The following NBEAL1 variants were observed in gnomAD, a reference collection of about 807,000 sequenced individuals.
The protein encoded by NBEAL1 is neurobeachin-like protein 1.
A neutral mutation model predicts 351.3 loss-of-function variants in NBEAL1; 273 were observed. That is an observed-to-expected ratio of 0.78 (90% CI 0.70 to 0.86). The LOEUF is 0.86. NBEAL1 is among the 40% of genes least tolerant of loss of function. NBEAL1 has a pLI of 0.00. For synonymous variants in NBEAL1, 1,050 were observed against 1,086.4 expected (o/e 0.97, Z 0.66); for missense variants, 2,961 against 3,201.3 (o/e 0.92, Z 1.81).
intron 16 of NBEAL1, 58 bp from the exon 17 acceptor site, chr2:203,112,957 T>C: frequency 1.5e-6 from 2 of 1,319,946 alleles, no homozygotes; most frequent in African/African-American, 3.0e-5. Flanking sequence ...TGTAATTTTA[T>C]GTTAAATATG....
chr2:203,161,998 G>A (rs1369606685), intron 36 of NBEAL1, among the ~76,000 whole-genome samples: 2 of 136,034 alleles, frequency 1.5e-5, no homozygotes, highest in Non-Finnish European at 3.2e-5. Context: ...TGGGGGTTTT[G>A]TTTTGTTTTG....
At chr2:203,105,188 C>A (rs183725502) in intron 12 of NBEAL1, among the ~76,000 whole-genome samples, 1 of 151,518 alleles carries the variant, frequency 6.6e-6, no homozygotes, top group East Asian at 2.0e-4. Flanking sequence ...TATGGATGGG[C>A]GCAGTCGCTC....
chr2:203,150,674 T>C (rs2063628190), intron 34 of NBEAL1, among the ~76,000 whole-genome samples: 1 of 152,174 alleles, frequency 6.6e-6, no homozygotes, highest in African/African-American at 2.4e-5. Flanking sequence ...ATCCTTATCT[T>C]TTCTCCTAAG....
intron 23 of NBEAL1, among the ~76,000 whole-genome samples, chr2:203,127,157 C>T (rs922974751): frequency 6.6e-6 from 1 of 152,156 alleles, no homozygotes; most frequent in Non-Finnish European, 1.5e-5. Flanking sequence ...CTTCTCTGTG[C>T]TTGGGTTTCT....
intron 46 of NBEAL1, chr2:203,191,438 C>T (rs2065085587): frequency 2.2e-6 from 1 of 459,126 alleles, no homozygotes; most frequent in South Asian, 3.4e-5. Flanking sequence ...CATTATCTTC[C>T]TGATGACACA....
At chr2:203,121,808 CAG>C (rs1035613281) in intron 18 of NBEAL1, among the ~76,000 whole-genome samples, 2 of 151,884 alleles carry the variant, frequency 1.3e-5, no homozygotes, top group Non-Finnish European at 2.9e-5. Flanking sequence ...TTTTTTGAGA[CAG>C]AGTCTCACTC....
chr2:203,144,210 CAAAAAAA>C (rs1203059538), intron 31 of NBEAL1, among the ~76,000 whole-genome samples: 2 of 52,970 alleles, frequency 3.8e-5, no homozygotes, highest in Non-Finnish European at 8.0e-5. Context: ...GACTCCATCT[CAAAAAAA>C]AAAAAAAAAA....
chr2:203,222,864 A>G lies in NBEAL1; in HGVS notation c.*5510A>G, dbSNP rs2065966374. 6.6e-6 allele frequency among the ~76,000 whole-genome samples: 1 copy of G among 152,202 alleles called. No individual in the cohort carries two copies. The highest frequency in any genetic ancestry group is 1.5e-5 in the Non-Finnish European group (1 of 68,024). ...TGACTTTTGCAGGTACAGCCTCTGTATGGAAATAATCTTTAATTTTTTATA... is the reference window on the plus strand; with the variant it reads ...TGACTTTTGCAGGTACAGCCTCTGTGTGGAAATAATCTTTAATTTTTTATA... On this transcript the variant is annotated 3_prime_UTR_variant, in exon 56 of 56. Transcript: ENST00000683969.
chr2:203,121,523 A>T (rs1377195408), intron 18 of NBEAL1, among the ~76,000 whole-genome samples: 1 of 151,524 alleles, frequency 6.6e-6, no homozygotes, highest in Non-Finnish European at 1.5e-5. Flanking sequence ...GTGGTGGCGC[A>T]CCACTGTAAT....
At chr2:203,162,175 C>T (rs992741975) in intron 36 of NBEAL1, among the ~76,000 whole-genome samples, 5 of 151,660 alleles carry the variant, frequency 3.3e-5, no homozygotes, top group African/African-American at 1.2e-4. Flanking sequence ...AGGTGTGTGC[C>T]ACTACGCCCA....
chr2:203,211,673 G>GA (rs963530530), intron 54 of NBEAL1, among the ~76,000 whole-genome samples: 1 of 151,998 alleles, frequency 6.6e-6, no homozygotes, highest in African/African-American at 2.4e-5. Context: ...TGTAGAGCTA[G>GA]AAAAAAATGT....
rs903910412 is a variant in NBEAL1 at position 203,223,705 on chromosome 2, A to C, written c.*6351A>C. 3.9e-5 allele frequency among the ~76,000 whole-genome samples: 6 copies of C among 152,050 alleles called. No homozygotes were observed. Among genetic ancestry groups the C allele is most frequent in the African/African-American group, 1.4e-4 (6 of 41,442 alleles). ...TATTAAAACTAGCAATTCTGTGGTA[A>C]TCAGTGTACTAGTCAACATTAAAAT... is the stretch of plus-strand genomic sequence containing the variant. On this transcript the variant is annotated 3_prime_UTR_variant, in exon 56 of 56. Transcript: ENST00000683969.
At chr2:203,206,633 C>G (rs1269823007) in intron 51 of NBEAL1, among the ~76,000 whole-genome samples, 1 of 151,854 alleles carries the variant, frequency 6.6e-6, no homozygotes, top group Non-Finnish European at 1.5e-5. Context: ...GTTGGCCGGG[C>G]TGGTCTCCAG....
At chr2:203,120,845 G>A (rs1195217303) in intron 18 of NBEAL1, among the ~76,000 whole-genome samples, 1 of 152,152 alleles carries the variant, frequency 6.6e-6, no homozygotes, top group Non-Finnish European at 1.5e-5. Context: ...GACTAAAGTA[G>A]TAACTAGAGA....
At chr2:203,167,809 G>T (rs1480520106) in intron 38 of NBEAL1, among the ~76,000 whole-genome samples, 1 of 152,174 alleles carries the variant, frequency 6.6e-6, no homozygotes, top group African/African-American at 2.4e-5. Flanking sequence ...GTAAGCTTGG[G>T]CTCATTACTG....
intron 4 of NBEAL1, among the ~76,000 whole-genome samples, chr2:203,053,375 G>A (rs539180141): frequency 3.7e-4 from 57 of 152,114 alleles, no homozygotes; most frequent in African/African-American, 1.3e-3. Context: ...ATCTTCTTTG[G>A]TGAAGTGTCT....
intron 44 of NBEAL1, among the ~76,000 whole-genome samples, chr2:203,184,799 T>C (rs542490838): frequency 7.9e-5 from 12 of 151,822 alleles, no homozygotes; most frequent in South Asian, 2.1e-4. Flanking sequence ...GGGTGGTGTG[T>C]ACCGGTAGTC....
Position 203,175,403 on chromosome 2 carries a change from A to G in NBEAL1, c.6464+116A>G, listed in dbSNP as rs1054860992. 13 of 1,049,966 alleles carry G rather than the reference A, an allele frequency of 1.2e-5. No individual in the cohort carries two copies. The African/African-American group carries it at 2.1e-4, about 17-fold the overall frequency. The allele number at this position is 1,049,966 out of a possible 1,614,324, so 65.0% of individuals were successfully genotyped here. ...TTTTATTCTCCTGTATTAAATTTTG[A>G]TCAGCTAAAAATAAACTAGTTTGAG... is the stretch of plus-strand genomic sequence containing the variant. On this transcript the variant is annotated intron_variant, in intron 42 of 55. Transcript: ENST00000683969.
rs190409726 is a variant in NBEAL1 at position 203,060,866 on chromosome 2, C to T, written c.515+3413C>T. Among the ~76,000 whole-genome samples the T allele has an allele frequency of 9.3e-3, 1,409 of 152,292 alleles. 25 individuals are homozygous for T. The highest frequency in any genetic ancestry group is 0.033 in the African/African-American group (1,357 of 41,548). ...GTAATTGTTAAATTTGAAAACATTT[C>T]TGTATTTTCCAGACCACTGTGCTTC... On this transcript the variant is annotated intron_variant, in intron 6 of 55. Coordinates refer to ENST00000683969, the MANE Select transcript of NBEAL1 (RefSeq NM_001378026.1).
Sources: allele counts gnomAD v4.1 joint callset (sites outside exome capture counted in the v4.1 genomes callset), GRCh38; gene constraint gnomAD v4.1.1; transcripts MANE v1.5; gene names NCBI Gene and HGNC (gene_info 2026-07-23, HGNC 2026-07-21).